Variants in GTF2E1 observed in about 807,000 individuals in gnomAD.
GTF2E1 encodes general transcription factor IIE subunit 1, also known as TFIIE alpha subunit.
Under a neutral mutation model 34.9 loss-of-function variants are expected in GTF2E1, and 14 were observed. The ratio of observed to expected loss-of-function variants is 0.40; its 90% CI spans 0.27 to 0.63. The LOEUF is 0.63. Among genes scored for constraint, GTF2E1 ranks in the 20% least tolerant of loss-of-function variants. The pLI is 0.39. For missense variants in GTF2E1, 469 were observed against 557.7 expected (o/e 0.84, Z 1.60); for synonymous variants, 188 against 192.9 (o/e 0.97, Z 0.21).
At chr3:120,761,548 G>T (rs938036398) in intron 2 of GTF2E1, among the ~76,000 whole-genome samples, 4 of 152,034 alleles carry the variant, frequency 2.6e-5, no homozygotes, top group Non-Finnish European at 5.9e-5. Flanking sequence ...GCTTTCTCTT[G>T]TGGGCATTTA....
At chr3:120,774,431 G>A (rs2107612713) in intron 3 of GTF2E1, among the ~76,000 whole-genome samples, 1 of 152,252 alleles carries the variant, frequency 6.6e-6, no homozygotes, top group South Asian at 2.1e-4. Context: ...AAAGTAAGCA[G>A]CATCATATTA....
At chr3:120,755,501 G>A (rs1709200666) in intron 2 of GTF2E1, among the ~76,000 whole-genome samples, 1 of 152,026 alleles carries the variant, frequency 6.6e-6, no homozygotes, top group Non-Finnish European at 1.5e-5. Context: ...GAAATTTTTT[G>A]TGGCTAAATA....
chr3:120,758,418 T>A lies in GTF2E1; in HGVS notation c.448+7418T>A, dbSNP rs1211120960. 2.0e-5 allele frequency among the ~76,000 whole-genome samples: 3 copies of A among 152,186 alleles called. No homozygotes were observed. The East Asian group carries it at 5.8e-4, about 29-fold the overall frequency. On this transcript the variant is annotated intron_variant, in intron 2 of 4. Coordinates refer to ENST00000283875, the MANE Select transcript of GTF2E1 (RefSeq NM_005513.3). Reference sequence around the variant, plus strand: ...GTAAAGTGATTCTTTTTTTATTTTTTAAATTTTATTTTTTTATTATACTTT... The same window carrying A: ...GTAAAGTGATTCTTTTTTTATTTTTAAAATTTTATTTTTTTATTATACTTT...
At chr3:120,768,600 A>G (rs1031678928) in intron 2 of GTF2E1, among the ~76,000 whole-genome samples, 1 of 152,202 alleles carries the variant, frequency 6.6e-6, no homozygotes, top group Non-Finnish European at 1.5e-5. Flanking sequence ...GTTCTCATTG[A>G]CAGTCTCTGT....
intron 2 of GTF2E1, among the ~76,000 whole-genome samples, chr3:120,769,588 TAAA>T (rs1709336347): frequency 6.6e-6 from 1 of 152,134 alleles, no homozygotes; most frequent in Non-Finnish European, 1.5e-5. Flanking sequence ...AACTAAATGG[TAAA>T]GAAGCAGCAG....
At position 120,750,930 on chromosome 3, in the gene GTF2E1, C is replaced by T. The variant is rs1202594049; in HGVS notation, c.378C>T (p.Ser126=). The T allele has an allele frequency of 8.1e-6, 13 of 1,613,876 alleles. No individual in the cohort carries two copies. The highest frequency in any genetic ancestry group is 1.1e-5 in the Non-Finnish European group (13 of 1,179,890). The stretch of plus-strand genomic sequence containing the variant: ...AGAGAGATTCGACCAACCGGGCTTC[C>T]TTCAAATGTCCTGTCTGTAGTAGTA... ...TDERDSTNRA[S]FKCPVCSSTF... The change falls in exon 2 of 5, where the codon TCC becomes TCT. Residue 126 remains serine (S), a synonymous_variant. Coordinates refer to ENST00000283875, the MANE Select transcript of GTF2E1 (RefSeq NM_005513.3).
In GTF2E1 at chr3:120,782,607, T is replaced by C. The variant is rs530516750; in HGVS notation, c.*1137T>C. 6.6e-6 allele frequency: 1 copy of C among 152,368 alleles called. No individual in the cohort carries two copies. The highest frequency in any genetic ancestry group is 2.1e-4 in the South Asian group (1 of 4,834). 9.4% of individuals were successfully genotyped at this position (152,368 alleles called of 1,614,324 possible). On this transcript the variant is annotated 3_prime_UTR_variant, in exon 5 of 5. Transcript: ENST00000283875. ...AAAGCTGAGACTGGTCCTGGTTTTG[T>C]TCCCTTTGGGTACAGACCTCTTGTC...
chr3:120,745,558 G>A (rs1010365252), intron 1 of GTF2E1, among the ~76,000 whole-genome samples: 1 of 152,140 alleles, frequency 6.6e-6, no homozygotes, highest in East Asian at 1.9e-4. Context: ...TGGGGCCCAG[G>A]ATCAGTATTC....
intron 3 of GTF2E1, among the ~76,000 whole-genome samples, chr3:120,772,772 T>C (rs1709364191): frequency 6.6e-6 from 1 of 152,160 alleles, no homozygotes. Flanking sequence ...CCCACTACAA[T>C]AGCATTCAGT....
chr3:120,752,342 G>C (rs1463554232), intron 2 of GTF2E1, among the ~76,000 whole-genome samples: 2 of 152,126 alleles, frequency 1.3e-5, no homozygotes. Context: ...CATGATTCTT[G>C]CCATTCACTC....
At position 120,750,819 on chromosome 3, in the gene GTF2E1, T is replaced by A. The variant is rs549098432; in HGVS notation, c.267T>A (p.His89Gln). ...ETAADGKTTR[H>Q]NYYFINYRTL... ...CTGCAGACGGGAAAACCACTCGCCA[T>A]AACTACTACTTCATCAATTATCGTA... The change falls in exon 2 of 5, where the codon CAT (histidine) becomes CAA (glutamine). Residue 89 changes from histidine (H) to glutamine (Q), a missense_variant. By Grantham distance (24) the His-to-Gln change is conservative. Transcript: ENST00000283875. 2.5e-5 allele frequency: 40 copies of A among 1,614,040 alleles called. No homozygotes were observed. In the South Asian group the frequency reaches 4.0e-4, roughly 16 times the overall value.
In GTF2E1 at chr3:120,764,231, A is replaced by AT. The variant is rs1259505249; in HGVS notation, c.449-6490dup. Among the ~76,000 whole-genome samples the AT allele has an allele frequency of 4.0e-5, 6 of 151,786 alleles. No individual in the cohort carries two copies. In the East Asian group the frequency reaches 7.7e-4, roughly 20 times the overall value. On this transcript the variant is annotated intron_variant, in intron 2 of 4. Coordinates refer to ENST00000283875, the MANE Select transcript of GTF2E1 (RefSeq NM_005513.3). ...GTAATACTTATATACTATGGATGTGATTTTTTTGTGTCTTGACTACCCCCA... is the reference window on the plus strand; with the variant it reads ...GTAATACTTATATACTATGGATGTGATTTTTTTTGTGTCTTGACTACCCCCA...
chr3:120,742,850 A>G (rs1044843306), intron 1 of GTF2E1, 56 bp downstream of exon 1: 14 of 349,092 alleles, frequency 4.0e-5, no homozygotes, highest in Non-Finnish European at 7.0e-5. Flanking sequence ...ATTGCATTTC[A>G]TGATTTCTTC....
intron 1 of GTF2E1, among the ~76,000 whole-genome samples, chr3:120,746,901 T>C (rs981604876): frequency 1.3e-5 from 2 of 152,234 alleles, no homozygotes; most frequent in African/African-American, 2.4e-5. Context: ...TAAGTTGATA[T>C]GGAAGCTGTC....
In GTF2E1 at chr3:120,781,534, A is replaced by C. The variant is rs1366058675; in HGVS notation, c.*64A>C. The C allele has an allele frequency of 6.9e-6, 9 of 1,310,478 alleles. 1 individual carries two copies. Among genetic ancestry groups the C allele is most frequent in the South Asian group, 3.9e-5 (3 of 76,874 alleles). The allele number at this position is 1,310,478 out of a possible 1,614,324, so 81.2% of individuals were successfully genotyped here. A position where few individuals can be genotyped will look rare whatever the true frequency, so the allele number is the denominator to read the frequency against. ...TCAAAAAGGAATGTCTCATCTTTGAAGAAAAGTATTTAAGTGGCTTTCTGC... is the reference window on the plus strand; with the variant it reads ...TCAAAAAGGAATGTCTCATCTTTGACGAAAAGTATTTAAGTGGCTTTCTGC... On this transcript the variant is annotated 3_prime_UTR_variant, in exon 5 of 5. Coordinates refer to ENST00000283875, the MANE Select transcript of GTF2E1 (RefSeq NM_005513.3).
At chr3:120,759,223 TGCATAAATGTCTTCTTTTGA>T (rs1472687981) in intron 2 of GTF2E1, among the ~76,000 whole-genome samples, 1 of 152,232 alleles carries the variant, frequency 6.6e-6, no homozygotes. Context: ...ATATGTTGGC[TGCATAAATGTCTTCTTTTGA>T]GAAGTGTCTG....
At chr3:120,763,463 C>G (rs1387538806) in intron 2 of GTF2E1, among the ~76,000 whole-genome samples, 1 of 152,096 alleles carries the variant, frequency 6.6e-6, no homozygotes, top group East Asian at 1.9e-4. Context: ...AATATGCTTC[C>G]TAACCTATAT....
intron 2 of GTF2E1, among the ~76,000 whole-genome samples, chr3:120,752,643 A>G (rs530664654): frequency 6.6e-6 from 1 of 152,342 alleles, no homozygotes; most frequent in East Asian, 1.9e-4. Flanking sequence ...AGTTGACTCA[A>G]TAGATGGCCT....
chr3:120,775,548 A>T (rs1709391972), intron 3 of GTF2E1, among the ~76,000 whole-genome samples: 1 of 152,164 alleles, frequency 6.6e-6, no homozygotes, highest in South Asian at 2.1e-4. Flanking sequence ...AAGAATTTGG[A>T]ACAGATTGAG....
Sources: allele counts gnomAD v4.1 joint callset (sites outside exome capture counted in the v4.1 genomes callset), GRCh38; gene constraint gnomAD v4.1.1; transcripts MANE v1.5; gene names NCBI Gene and HGNC (gene_info 2026-07-23, HGNC 2026-07-21).